Variants in CELSR1 observed in about 807,000 individuals in gnomAD.
The protein encoded by CELSR1 is cadherin EGF LAG seven-pass G-type receptor 1.
CELSR1 carries 110 observed loss-of-function variants against 249.1 expected under a neutral mutation model. That is an observed-to-expected ratio of 0.44 (90% CI 0.38 to 0.52). The LOEUF (loss-of-function observed/expected upper bound fraction) is 0.52. Ranked by LOEUF, CELSR1 falls within the 20% of genes least tolerant of loss-of-function variation. The pLI is 0.00. For synonymous variants in CELSR1, 2,113 were observed against 1,900.0 expected (o/e 1.11, Z -2.92); for missense variants, 4,109 against 4,296.4 (o/e 0.96, Z 1.22).
intron 24 of CELSR1, 49 bp from the exon 25 acceptor site, chr22:46,373,106 G>C (rs755558892): frequency 3.3e-6 from 5 of 1,519,034 alleles, no homozygotes; most frequent in African/African-American, 2.7e-5. Context: ...CCCAGGCTGA[G>C]GTCAGACAGG....
rs73181003 is a variant in CELSR1 at position 46,526,320 on chromosome 22, G to A, written c.3544+7307C>T. Among the ~76,000 whole-genome samples the A allele has an allele frequency of 0.057, 8,713 of 152,268 alleles. 372 individuals are homozygous for A. The highest frequency in any genetic ancestry group is 0.085 in the Non-Finnish European group (5,808 of 68,012). ...TGCCCACTCCCAAAGCCCCTGAGAC[G>A]GGCCAGTGCCACGCTAGGCTGCAGG... is the stretch of plus-strand genomic sequence containing the variant. On this transcript the variant is annotated intron_variant, in intron 1 of 34. Coordinates refer to ENST00000674500, the MANE Select transcript of CELSR1 (RefSeq NM_001378328.1). This position sits in a 1 kb window ranked among gnomAD's most constrained non-coding sequence, Gnocchi z 4.7.
At chr22:46,521,349 C>CA (rs1366320564) in intron 1 of CELSR1, among the ~76,000 whole-genome samples, 1 of 151,674 alleles carries the variant, frequency 6.6e-6, no homozygotes, top group Non-Finnish European at 1.5e-5. Context: ...ACTAAAAATT[C>CA]AAAAAATTAG....
chr22:46,363,485 C>A lies in CELSR1; in HGVS notation c.9036-238G>T. ...GGTCTTTCAGAAGAGCGCAAGGAAT[C>A]CACGTTAGAAACCGGCCATCTCTAC... On this transcript the variant is annotated intron_variant, in intron 34 of 34. Coordinates refer to ENST00000674500, the MANE Select transcript of CELSR1 (RefSeq NM_001378328.1). The surrounding 1 kb of genome is among the most constrained non-coding windows in gnomAD (Gnocchi z 4.3). 1 of 475,196 alleles carries A rather than the reference C, an allele frequency of 2.1e-6. No homozygotes were observed. Among genetic ancestry groups the A allele is most frequent in the South Asian group, 2.6e-5 (1 of 37,962 alleles). 29.4% of individuals were successfully genotyped at this position (475,196 alleles called of 1,614,324 possible). A position where few individuals can be genotyped will look rare whatever the true frequency, so the allele number is the denominator to read the frequency against.
At chr22:46,509,417 C>G (rs1479178373) in intron 1 of CELSR1, among the ~76,000 whole-genome samples, 1 of 152,250 alleles carries the variant, frequency 6.6e-6, no homozygotes, top group African/African-American at 2.4e-5. Context: ...CCACAGGCTA[C>G]TGTTCTGTCG....
chr22:46,453,740 G>C (rs1804663995), intron 2 of CELSR1, among the ~76,000 whole-genome samples: 1 of 152,206 alleles, frequency 6.6e-6, no homozygotes, highest in African/African-American at 2.4e-5. Flanking sequence ...CTCTCCAGCA[G>C]CTCCCAGCAG....
chr22:46,362,730 T>C lies in CELSR1; in HGVS notation c.*493A>G, dbSNP rs1219434780. 2 of 177,580 alleles carry C rather than the reference T, an allele frequency of 1.1e-5. No homozygotes were observed. Among genetic ancestry groups the C allele is most frequent in the African/African-American group, 2.4e-5 (1 of 42,482 alleles). 11.0% of individuals were successfully genotyped at this position (177,580 alleles called of 1,614,324 possible). On this transcript the variant is annotated 3_prime_UTR_variant, in exon 35 of 35. Coordinates refer to ENST00000674500, the MANE Select transcript of CELSR1 (RefSeq NM_001378328.1). ...TAAAAGTATCTCCACCTTTCCCACA[T>C]AGCGAAGTGATTTTAAGACAAGGGG...
chr22:46,455,789 T>G (rs1417728183), intron 2 of CELSR1, among the ~76,000 whole-genome samples: 1 of 152,174 alleles, frequency 6.6e-6, no homozygotes, highest in Middle Eastern at 3.2e-3. Flanking sequence ...GCCCCAGCTT[T>G]GGGGAAAGAA....
intron 17 of CELSR1, among the ~76,000 whole-genome samples, chr22:46,389,858 G>A (rs543950114): frequency 4.1e-4 from 63 of 152,166 alleles, no homozygotes; most frequent in Non-Finnish European, 7.3e-4. Context: ...GGGAGGCTGA[G>A]GCAGAATCGC....
At position 46,396,869 on chromosome 22, in the gene CELSR1, A is replaced by G. The variant is rs2079153544; in HGVS notation, c.5702-123T>C. 7.6e-7 allele frequency: 1 copy of G among 1,320,012 alleles called. No homozygotes were observed. The highest frequency in any genetic ancestry group is 1.5e-5 in the African/African-American group (1 of 68,252). 81.8% of individuals were successfully genotyped at this position (1,320,012 alleles called of 1,614,324 possible). The stretch of plus-strand genomic sequence containing the variant: ...TTCCCTGGTACTCAGCAGAGGGAAG[A>G]GGAAGAGTGCCACAGAGTCCCCGAA... On this transcript the variant is annotated intron_variant, in intron 12 of 34. Coordinates refer to ENST00000674500, the MANE Select transcript of CELSR1 (RefSeq NM_001378328.1). The surrounding 1 kb of genome is among the most constrained non-coding windows in gnomAD (Gnocchi z 6.4).
At chr22:46,503,584 C>T (rs563285580) in intron 1 of CELSR1, among the ~76,000 whole-genome samples, 2 of 152,364 alleles carry the variant, frequency 1.3e-5, no homozygotes, top group Admixed American at 6.5e-5. Flanking sequence ...CTTCTTGATC[C>T]GCCCGTTCCT....
intron 1 of CELSR1, 123 bp downstream of exon 1, chr22:46,533,504 T>C: frequency 2.9e-6 from 4 of 1,387,630 alleles, no homozygotes; most frequent in Non-Finnish European, 3.8e-6. Flanking sequence ...AACAAATCCT[T>C]GCAGAGTTGC....
At chr22:46,367,145 C>G (rs1311218776) in intron 28 of CELSR1, 27 bp from the exon 29 acceptor site, 12 of 1,603,264 alleles carry the variant, frequency 7.5e-6, no homozygotes, top group Non-Finnish European at 1.0e-5. Context: ...GGGGTCAGCA[C>G]CTGCTGCTGC....
Position 46,488,585 on chromosome 22 carries a change from C to T in CELSR1, c.3545-24240G>A, listed in dbSNP as rs192377753. Among the ~76,000 whole-genome samples the T allele has an allele frequency of 6.6e-6, 1 of 152,296 alleles. No individual in the cohort carries two copies. Among genetic ancestry groups the T allele is most frequent in the East Asian group, 1.9e-4 (1 of 5,176 alleles). On this transcript the variant is annotated intron_variant, in intron 1 of 34. Transcript: ENST00000674500. This position sits in a 1 kb window ranked among gnomAD's most constrained non-coding sequence, Gnocchi z 4.7. ...GGGACACAAAAAGAACAAACGCACCCCCCGCGCCACAGTGGAAAGTCCCCA... is the reference window on the plus strand; with the variant it reads ...GGGACACAAAAAGAACAAACGCACCTCCCGCGCCACAGTGGAAAGTCCCCA...
rs2078734693 is a variant in CELSR1 at position 46,363,962 on chromosome 22, G to A, written c.9035+34C>T. 1 of 1,546,640 alleles carries A rather than the reference G, an allele frequency of 6.5e-7. No homozygotes were observed. Among genetic ancestry groups the A allele is most frequent in the East Asian group, 2.4e-5 (1 of 42,218 alleles). ...CCTGACTCAGGACAAGGGGGAAGTGGGTGATCCCCGCCCTGGAGGCCCAGG... is the reference window on the plus strand; with the variant it reads ...CCTGACTCAGGACAAGGGGGAAGTGAGTGATCCCCGCCCTGGAGGCCCAGG... On this transcript the variant is annotated intron_variant, in intron 34 of 34. Transcript: ENST00000674500. The surrounding 1 kb of genome is among the most constrained non-coding windows in gnomAD (Gnocchi z 4.3).
rs535223535 is a variant in CELSR1 at position 46,401,858 on chromosome 22, G to A, written c.5227-1956C>T. Among the ~76,000 whole-genome samples, 2 of 152,200 alleles carry A rather than the reference G, an allele frequency of 1.3e-5. No homozygotes were observed. Among genetic ancestry groups the A allele is most frequent in the Admixed American group, 6.5e-5 (1 of 15,284 alleles). The stretch of plus-strand genomic sequence containing the variant: ...CTCTGTGACTTTGGGAGACCAAGGC[G>A]GGTGGATCACCTGAGGTCAGGAGTT... On this transcript the variant is annotated intron_variant, in intron 9 of 34. Transcript: ENST00000674500. The surrounding 1 kb of genome is among the most constrained non-coding windows in gnomAD (Gnocchi z 4.7).
Position 46,423,065 on chromosome 22 carries a change from AG to A in CELSR1, c.4611+10327del, listed in dbSNP as rs1194735715. 6.6e-6 allele frequency among the ~76,000 whole-genome samples: 1 copy of A among 152,170 alleles called. No homozygotes were observed. The highest frequency in any genetic ancestry group is 2.4e-5 in the African/African-American group (1 of 41,420). On this transcript the variant is annotated intron_variant, in intron 5 of 34. Coordinates refer to ENST00000674500, the MANE Select transcript of CELSR1 (RefSeq NM_001378328.1). The surrounding 1 kb of genome is among the most constrained non-coding windows in gnomAD (Gnocchi z 5.6). ...CACATGACCTGGGCAACAGGACATC[AG>A]GGCACAAGGACACGAGATAAGGCCT...
chr22:46,529,061 C>T (rs1200238813), intron 1 of CELSR1, among the ~76,000 whole-genome samples: 1 of 151,708 alleles, frequency 6.6e-6, no homozygotes, highest in African/African-American at 2.4e-5. Context: ...GTCAGGAGAT[C>T]GACACCATCT....
rs1602122713 is a variant in CELSR1, at chr22:46,428,874, C to T, written c.4611+4519G>A. Among the ~76,000 whole-genome samples, 3 of 152,178 alleles carry T rather than the reference C, an allele frequency of 2.0e-5. No homozygotes were observed. The highest frequency in any genetic ancestry group is 7.2e-5 in the African/African-American group (3 of 41,436). On this transcript the variant is annotated intron_variant, in intron 5 of 34. Coordinates refer to ENST00000674500, the MANE Select transcript of CELSR1 (RefSeq NM_001378328.1). The surrounding 1 kb of genome is among the most constrained non-coding windows in gnomAD (Gnocchi z 5.7). ...TACCTCCCCTGCATGTCCCTGCCTC[C>T]CCAGCTGGCCAGGAGACTGTGCTCC...
At chr22:46,499,496 C>G (rs1469075921) in intron 1 of CELSR1, among the ~76,000 whole-genome samples, 1 of 152,186 alleles carries the variant, frequency 6.6e-6, no homozygotes, top group Non-Finnish European at 1.5e-5. Flanking sequence ...ATCAGCAAAG[C>G]ACTTTTTTGG....
Sources: allele counts gnomAD v4.1 joint callset (sites outside exome capture counted in the v4.1 genomes callset), GRCh38; gene constraint gnomAD v4.1.1; non-coding constraint Gnocchi (gnomAD v3.1); transcripts MANE v1.5; gene names NCBI Gene and HGNC (gene_info 2026-07-23, HGNC 2026-07-21).